Variants in FBXL2 observed in about 807,000 individuals in gnomAD.
FBXL2 encodes the protein F-box/LRR-repeat protein 2.
A neutral mutation model predicts 69.2 loss-of-function variants in FBXL2; 38 were observed. That is an observed-to-expected ratio of 0.55 (90% CI 0.42 to 0.72). The LOEUF (loss-of-function observed/expected upper bound fraction) is 0.72. Among genes scored for constraint, FBXL2 ranks in the 30% least tolerant of loss-of-function variants. FBXL2 has a pLI of 0.00. For synonymous variants in FBXL2, 192 were observed against 201.3 expected, an observed-to-expected ratio of 0.95 and a Z score of 0.39; for missense variants, 354 against 520.3, an observed-to-expected ratio of 0.68 and a Z score of 3.11.
At chr3:33,349,250 G>A (rs943772396) in intron 2 of FBXL2, among the ~76,000 whole-genome samples, 1 of 152,090 alleles carries the variant, frequency 6.6e-6, no homozygotes, top group Non-Finnish European at 1.5e-5. Flanking sequence ...TGTTCTGTGT[G>A]GTTTTTATTA....
chr3:33,293,711 A>G (rs2035475252), intron 1 of FBXL2, among the ~76,000 whole-genome samples: 2 of 152,178 alleles, frequency 1.3e-5, no homozygotes, highest in Non-Finnish European at 2.9e-5. Flanking sequence ...AACAGAAAAT[A>G]AGCCAATTGT....
At chr3:33,313,045 G>A (rs1016019510) in intron 2 of FBXL2, among the ~76,000 whole-genome samples, 2 of 151,848 alleles carry the variant, frequency 1.3e-5, no homozygotes, top group African/African-American at 2.4e-5. Flanking sequence ...GCTTGAACCC[G>A]GGAGGTGGAG....
At chr3:33,415,750 T>G in the FBXL2 span, among the ~76,000 whole-genome samples, 1 of 148,632 alleles carries the variant, frequency 6.7e-6, no homozygotes, top group East Asian at 2.0e-4. Context: ...ACTGATACAT[T>G]AACAAAAAAA....
chr3:33,351,211 G>A (rs2040807324), intron 2 of FBXL2, among the ~76,000 whole-genome samples: 2 of 151,996 alleles, frequency 1.3e-5, no homozygotes, highest in African/African-American at 4.8e-5. Context: ...ATTGCAATGA[G>A]CCAAGATTGC....
intron 2 of FBXL2, among the ~76,000 whole-genome samples, chr3:33,319,668 T>G (rs1263591016): frequency 1.3e-5 from 2 of 152,212 alleles, no homozygotes; most frequent in African/African-American, 4.8e-5. Flanking sequence ...TTATGTATTT[T>G]AATGTATGAG....
At chr3:33,333,649 T>A (rs184097587) in intron 2 of FBXL2, among the ~76,000 whole-genome samples, 40 of 152,272 alleles carry the variant, frequency 2.6e-4, no homozygotes, top group African/African-American at 9.1e-4. Flanking sequence ...GCTTCATACC[T>A]AGGGGTGGGT....
At chr3:33,418,930 T>C in the FBXL2 span, among the ~76,000 whole-genome samples, 11 of 140,096 alleles carry the variant, frequency 7.9e-5, no homozygotes, top group South Asian at 9.0e-4. Flanking sequence ...AATGAGCAAA[T>C]GAAATGGACA....
downstream of FBXL2, among the ~76,000 whole-genome samples, chr3:33,404,137 G>A (rs2044348649): frequency 6.6e-6 from 1 of 152,176 alleles, no homozygotes. Flanking sequence ...ATGAGGCCGG[G>A]CGCGGTGGCT....
intron 12 of FBXL2, among the ~76,000 whole-genome samples, chr3:33,400,492 C>T (rs2044183070): frequency 6.6e-6 from 1 of 152,158 alleles, no homozygotes; most frequent in Non-Finnish European, 1.5e-5. Flanking sequence ...AGAGAAAAAT[C>T]ATGCCGCTGC....
intron 4 of FBXL2, among the ~76,000 whole-genome samples, chr3:33,361,283 C>G (rs2041609464): frequency 2.0e-5 from 3 of 151,832 alleles, no homozygotes; most frequent in African/African-American, 4.8e-5. Context: ...GCGGGCAGAT[C>G]ACTGGAGCCC....
chr3:33,410,079 T>C, the FBXL2 span, among the ~76,000 whole-genome samples: 17 of 152,232 alleles, frequency 1.1e-4, no homozygotes, highest in African/African-American at 1.7e-4. Context: ...CAATTTGTGA[T>C]ACTTTGCCTG....
chr3:33,393,241 C>A, intron 12 of FBXL2: 1 of 1,417,000 alleles, frequency 7.1e-7, no homozygotes, highest in Non-Finnish European at 9.4e-7. Flanking sequence ...CAGAATTTTT[C>A]TACAGTTCTA....
At chr3:33,307,718 A>T (rs2036845033) in intron 2 of FBXL2, among the ~76,000 whole-genome samples, 1 of 152,048 alleles carries the variant, frequency 6.6e-6, no homozygotes, top group Non-Finnish European at 1.5e-5. Flanking sequence ...TTAAATATGT[A>T]GAGAAAACGA....
chr3:33,291,136 AC>A (rs1311408201), intron 1 of FBXL2, among the ~76,000 whole-genome samples: 1 of 152,102 alleles, frequency 6.6e-6, no homozygotes, highest in Non-Finnish European at 1.5e-5. Flanking sequence ...TTACTGTGTT[AC>A]CCAGGCTGGT....
intron 2 of FBXL2, chr3:33,317,674 C>A: frequency 2.9e-6 from 1 of 348,056 alleles, no homozygotes. Context: ...GGCTCCCTTA[C>A]CATTGGTCTT....
At chr3:33,395,403 T>C (rs1384771756) in intron 12 of FBXL2, among the ~76,000 whole-genome samples, 2 of 152,114 alleles carry the variant, frequency 1.3e-5, no homozygotes, top group East Asian at 1.9e-4. Context: ...AATGTTACCA[T>C]ATATCCATAC....
At chr3:33,297,157 T>C (rs576845422) in intron 1 of FBXL2, among the ~76,000 whole-genome samples, 1 of 152,314 alleles carries the variant, frequency 6.6e-6, no homozygotes, top group Admixed American at 6.5e-5. Flanking sequence ...TTTGATGCTG[T>C]TGTAAATGGG....
intron 2 of FBXL2, among the ~76,000 whole-genome samples, chr3:33,316,322 G>C (rs1281244836): frequency 6.6e-6 from 1 of 152,060 alleles, no homozygotes; most frequent in Non-Finnish European, 1.5e-5. Flanking sequence ...GCCTCCCAAA[G>C]TGCCGAGATT....
At chr3:33,308,323 T>A (rs2125751966) in intron 2 of FBXL2, among the ~76,000 whole-genome samples, 1 of 152,350 alleles carries the variant, frequency 6.6e-6, no homozygotes, top group South Asian at 2.1e-4. Context: ...GATTATAGTC[T>A]GGTTGCTAGA....
Sources: gnomAD v4.1 joint callset for allele counts (sites outside exome capture counted in the v4.1 genomes callset) on GRCh38, gnomAD v4.1.1 for gene constraint, MANE v1.5 for transcripts, NCBI Gene and HGNC (gene_info 2026-07-23, HGNC 2026-07-21) for gene names.